The following RANBP2 variants were observed in gnomAD, a reference collection of about 807,000 sequenced individuals.
The protein encoded by RANBP2 is RAN binding protein 2, also known as E3 SUMO-protein ligase RanBP2.
In RANBP2, 57 loss-of-function variants were observed where a neutral mutation model predicts 303.6. The ratio of observed to expected loss-of-function variants is 0.19; its 90% CI spans 0.15 to 0.23. The LOEUF is 0.23. Among genes scored for constraint, RANBP2 ranks in the 10% least tolerant of loss-of-function variants. The pLI, the probability that RANBP2 is intolerant of heterozygous loss-of-function variation, is 1.00. For missense variants in RANBP2, 3,138 were observed against 3,780.8 expected (o/e 0.83, Z 4.46); for synonymous variants, 1,167 against 1,301.5 (o/e 0.90, Z 2.23).
At chr2:108,749,305 T>C (rs373358877) in intron 9 of RANBP2, among the ~76,000 whole-genome samples, 176 bp downstream of exon 9, 6 of 152,154 alleles carry the variant, frequency 3.9e-5, no homozygotes, top group East Asian at 3.9e-4. Context: ...TTGTTGTTGT[T>C]GTTGTTTTTA....
intron 1 of RANBP2, among the ~76,000 whole-genome samples, chr2:108,726,459 AAAC>A (rs1181560882): frequency 3.0e-5 from 4 of 134,080 alleles, no homozygotes; most frequent in Non-Finnish European, 6.5e-5. Context: ...TTTTTGGCTT[AAAC>A]AACAGAAATT....
the RANBP2 span, among the ~76,000 whole-genome samples, chr2:109,163,468 G>A: frequency 8.2e-6 from 1 of 121,896 alleles, no homozygotes; most frequent in Non-Finnish European, 1.6e-5. Flanking sequence ...GCGGGATCTC[G>A]GCTCACTGCA....
At chr2:109,391,723 T>C in the RANBP2 span, among the ~76,000 whole-genome samples, 1 of 152,116 alleles carries the variant, frequency 6.6e-6, no homozygotes, top group East Asian at 1.9e-4. Context: ...CTTCTGTGAA[T>C]AAAGGGAAGG....
the RANBP2 span, among the ~76,000 whole-genome samples, chr2:109,221,993 A>AT: frequency 6.6e-6 from 1 of 151,364 alleles, no homozygotes; most frequent in Admixed American, 6.6e-5. Flanking sequence ...AAAAAAAAAA[A>AT]CACAGGGGAT....
At chr2:108,921,542 C>T in the RANBP2 span, among the ~76,000 whole-genome samples, 3 of 152,192 alleles carry the variant, frequency 2.0e-5, no homozygotes, top group Non-Finnish European at 2.9e-5. Flanking sequence ...TTGGCAACTT[C>T]GGGCTCCTGA....
chr2:108,750,582 C>CTTTTCTT (rs1379498819), intron 9 of RANBP2, among the ~76,000 whole-genome samples: 1 of 138,144 alleles, frequency 7.2e-6, no homozygotes, highest in Admixed American at 7.0e-5. Context: ...CTTTTCTTTT[C>CTTTTCTT]TTTTCTTTTC....
the RANBP2 span, among the ~76,000 whole-genome samples, chr2:108,979,324 C>T: frequency 6.6e-6 from 1 of 152,190 alleles, no homozygotes; most frequent in Non-Finnish European, 1.5e-5. Flanking sequence ...GAACCTCACT[C>T]CTCCAACACT....
the RANBP2 span, among the ~76,000 whole-genome samples, chr2:109,134,943 G>A: frequency 6.6e-6 from 1 of 152,220 alleles, no homozygotes; most frequent in Non-Finnish European, 1.5e-5. Context: ...TAAGTGACAT[G>A]AACAGGACAT....
intron 7 of RANBP2, among the ~76,000 whole-genome samples, chr2:108,744,106 G>T (rs1344934017): frequency 6.6e-6 from 1 of 152,108 alleles, no homozygotes; most frequent in East Asian, 1.9e-4. Flanking sequence ...AAACCTTTTA[G>T]TTAAGATGAG....
the RANBP2 span, chr2:109,574,681 T>C: frequency 6.0e-5 from 96 of 1,610,146 alleles, 1 homozygote; most frequent in Non-Finnish European, 7.0e-5. Context: ...AGAATCATGG[T>C]AGGTAAAGAG....
At chr2:108,908,048 C>T in the RANBP2 span, 1 of 1,590,786 alleles carries the variant, frequency 6.3e-7, no homozygotes, top group Non-Finnish European at 8.6e-7. Context: ...TGGTCATTAG[C>T]AGTGCCTGGG....
the RANBP2 span, among the ~76,000 whole-genome samples, chr2:109,085,023 C>A: frequency 1.3e-5 from 2 of 152,116 alleles, no homozygotes; most frequent in African/African-American, 4.8e-5. Context: ...GCTCTCACTG[C>A]GGGGGACAGA....
the RANBP2 span, among the ~76,000 whole-genome samples, chr2:108,990,646 G>T: frequency 6.6e-6 from 1 of 152,074 alleles, no homozygotes; most frequent in Non-Finnish European, 1.5e-5. Context: ...GTATGGGGCT[G>T]GGGCAAGGAC....
the RANBP2 span, among the ~76,000 whole-genome samples, chr2:109,332,827 C>T: frequency 1.3e-5 from 2 of 152,200 alleles, no homozygotes; most frequent in African/African-American, 4.8e-5. Flanking sequence ...TTAACGTGCA[C>T]AGTATGTTAA....
chr2:109,458,008 A>G, the RANBP2 span, among the ~76,000 whole-genome samples: 1 of 151,994 alleles, frequency 6.6e-6, no homozygotes, highest in Admixed American at 6.6e-5. Context: ...TCGGCATTCT[A>G]TTTGTTGTGG....
At chr2:109,211,917 A>G in the RANBP2 span, among the ~76,000 whole-genome samples, 42,735 of 152,154 alleles carry the variant, frequency 0.28, 6,351 homozygotes, top group East Asian at 0.46. Flanking sequence ...TGCTGGGATT[A>G]CAGGTGTGAG....
chr2:109,487,197 C>T, the RANBP2 span, among the ~76,000 whole-genome samples: 10 of 152,224 alleles, frequency 6.6e-5, no homozygotes, highest in Non-Finnish European at 1.5e-4. Flanking sequence ...CATAATCTTT[C>T]AGCCCAGATC....
chr2:108,861,889 T>C, the RANBP2 span, among the ~76,000 whole-genome samples: 1 of 152,194 alleles, frequency 6.6e-6, no homozygotes, highest in Non-Finnish European at 1.5e-5. Flanking sequence ...TTTGGTATGT[T>C]ATATCTTGAT....
the RANBP2 span, among the ~76,000 whole-genome samples, chr2:109,727,180 A>G: frequency 6.6e-6 from 1 of 152,316 alleles, no homozygotes; most frequent in East Asian, 1.9e-4. Flanking sequence ...TGACAAGAAA[A>G]CAAGCAATGT....
Sources: gnomAD v4.1 joint callset for allele counts (sites outside exome capture counted in the v4.1 genomes callset) on GRCh38, gnomAD v4.1.1 for gene constraint, MANE v1.5 for transcripts, NCBI Gene and HGNC (gene_info 2026-07-23, HGNC 2026-07-21) for gene names.